The following ZMIZ1 variants were observed in gnomAD, a reference collection of about 807,000 sequenced individuals.
ZMIZ1 encodes the protein zinc finger MIZ domain-containing protein 1.
ZMIZ1 carries 17 observed loss-of-function variants against 113.9 expected under a neutral mutation model. That is an observed-to-expected ratio of 0.15 (90% CI 0.10 to 0.22). ZMIZ1 has a LOEUF of 0.22. ZMIZ1 is among the 10% of genes least tolerant of loss of function. The probability of loss-of-function intolerance (pLI) is 1.00; values close to 1 mark genes in which losing one functional copy is unlikely to be tolerated. For missense variants in ZMIZ1, 1,059 were observed against 1,477.8 expected (o/e 0.72, Z 4.65); for synonymous variants, 607 against 603.1 (o/e 1.01, Z -0.09).
chr10:79,090,198 G>A (rs1163647633), intron 1 of ZMIZ1, among the ~76,000 whole-genome samples: 1 of 152,228 alleles, frequency 6.6e-6, no homozygotes, highest in Non-Finnish European at 1.5e-5. Context: ...ACAATCCCTG[G>A]AGAGGGAGGG....
intron 4 of ZMIZ1, among the ~76,000 whole-genome samples, chr10:79,187,285 T>C (rs1010403405): frequency 3.3e-5 from 5 of 152,156 alleles, no homozygotes; most frequent in African/African-American, 1.2e-4. Context: ...AAATTCCCTC[T>C]CCCATGCCTG....
intron 1 of ZMIZ1, among the ~76,000 whole-genome samples, chr10:79,086,789 T>C (rs1448422742): frequency 2.6e-5 from 4 of 152,186 alleles, no homozygotes; most frequent in Admixed American, 2.6e-4. Flanking sequence ...GATAATCTTT[T>C]TGGAAGCTCT....
rs537915261 is a variant in ZMIZ1, at chr10:79,202,536, G to A, written c.60+844G>A. On this transcript the variant is annotated intron_variant, in intron 5 of 24. Transcript: ENST00000334512. Reference sequence around the variant, plus strand: ...AAACAAGTACAGAGAGGGGAAGTGGGTAGCCTGAGTCCACTCAGCCCCTCT... The same window carrying A: ...AAACAAGTACAGAGAGGGGAAGTGGATAGCCTGAGTCCACTCAGCCCCTCT... Among the ~76,000 whole-genome samples the A allele has an allele frequency of 6.9e-3, 891 of 128,696 alleles. 3 individuals are homozygous for A. Among genetic ancestry groups the A allele is most frequent in the Middle Eastern group, 0.016 (4 of 258 alleles). 84.4% of individuals were successfully genotyped at this position (128,696 alleles called of 152,430 possible). A position where few individuals can be genotyped will look rare whatever the true frequency, so the allele number is the denominator to read the frequency against.
At position 79,112,964 on chromosome 10, in the gene ZMIZ1, G is replaced by GGCTCCCA. The variant is rs1248391459; in HGVS notation, c.-336-5945_-336-5939dup. Among the ~76,000 whole-genome samples the GGCTCCCA allele has an allele frequency of 7.9e-5, 12 of 152,322 alleles. No homozygotes were observed. The East Asian group carries it at 1.9e-3, about 25-fold the overall frequency. On this transcript the variant is annotated intron_variant, in intron 1 of 24. Transcript: ENST00000334512. ...TTGGCAGGGCCTCCTCCTGGCTCCT[G>GGCTCCCA]GCTCCCAGCTCCTGAGATCGTGAGC...
At chr10:79,280,647 C>G (rs978275326) in intron 8 of ZMIZ1, among the ~76,000 whole-genome samples, 2 of 140,872 alleles carry the variant, frequency 1.4e-5, no homozygotes, top group Admixed American at 1.4e-4. Flanking sequence ...CCACTCTGTT[C>G]TTTTTTTTTT....
chr10:79,159,173 A>C (rs1284769871), intron 3 of ZMIZ1, among the ~76,000 whole-genome samples: 1 of 152,020 alleles, frequency 6.6e-6, no homozygotes, highest in Non-Finnish European at 1.5e-5. Flanking sequence ...AGGCCTTTCC[A>C]CAAAAGAGCG....
At chr10:79,128,045 A>T (rs113816505) in intron 2 of ZMIZ1, among the ~76,000 whole-genome samples, 4 of 152,318 alleles carry the variant, frequency 2.6e-5, no homozygotes, top group African/African-American at 9.6e-5. Flanking sequence ...GGATTGGGAC[A>T]GGAGGCATTG....
chr10:79,158,670 G>A (rs1589354377), intron 3 of ZMIZ1, among the ~76,000 whole-genome samples: 2 of 152,156 alleles, frequency 1.3e-5, no homozygotes, highest in South Asian at 2.1e-4. Flanking sequence ...ACTCAGCCCC[G>A]GGTCAACATG....
At chr10:79,088,090 T>C (rs1842869915) in intron 1 of ZMIZ1, among the ~76,000 whole-genome samples, 1 of 152,230 alleles carries the variant, frequency 6.6e-6, no homozygotes, top group Non-Finnish European at 1.5e-5. Context: ...ACCATGTGCA[T>C]GGTCTGACCC....
intron 7 of ZMIZ1, among the ~76,000 whole-genome samples, chr10:79,253,855 T>C (rs1414883990): frequency 6.6e-6 from 1 of 151,940 alleles, no homozygotes; most frequent in Non-Finnish European, 1.5e-5. Flanking sequence ...CCTGCACACA[T>C]GGCCCCACAC....
chr10:79,241,950 G>C (rs911842447), intron 7 of ZMIZ1, among the ~76,000 whole-genome samples: 1 of 152,184 alleles, frequency 6.6e-6, no homozygotes, highest in African/African-American at 2.4e-5. Flanking sequence ...CTTTGGGGAT[G>C]AATGATGGGG....
intron 4 of ZMIZ1, among the ~76,000 whole-genome samples, chr10:79,175,583 CGTGTGTGTGTGT>C (rs757004699): frequency 0.015 from 1,840 of 125,364 alleles, 43 homozygotes; most frequent in African/African-American, 0.053. Flanking sequence ...GTGCACTCTG[CGTGTGTGTGTGT>C]GTGTGTGTGT....
At position 79,118,030 on chromosome 10, in the gene ZMIZ1, G is replaced by A. The variant is rs1236470690; in HGVS notation, c.-336-885G>A. 1.3e-5 allele frequency among the ~76,000 whole-genome samples: 2 copies of A among 152,212 alleles called. No individual in the cohort carries two copies. The highest frequency in any genetic ancestry group is 4.8e-5 in the African/African-American group (2 of 41,450). The stretch of plus-strand genomic sequence containing the variant: ...GGGGTCTGCAGATGCAGGAACTGGG[G>A]GGAGACAGCCACACAGCCTCCATCC... On this transcript the variant is annotated intron_variant, in intron 1 of 24. Coordinates refer to ENST00000334512, the MANE Select transcript of ZMIZ1 (RefSeq NM_020338.4). The surrounding 1 kb of genome is among the most constrained non-coding windows in gnomAD (Gnocchi z 4.1).
chr10:79,085,443 G>A (rs567961203), intron 1 of ZMIZ1, among the ~76,000 whole-genome samples: 4 of 152,320 alleles, frequency 2.6e-5, no homozygotes, highest in Admixed American at 1.3e-4. Flanking sequence ...GCCTCAGCCC[G>A]CATAACGCCC....
intron 17 of ZMIZ1, among the ~76,000 whole-genome samples, chr10:79,301,366 G>A (rs1277464035): frequency 2.6e-5 from 4 of 152,102 alleles, no homozygotes; most frequent in Non-Finnish European, 5.9e-5. Context: ...CAAACCTGGA[G>A]TTAACGCGTT....
At chr10:79,097,471 C>G (rs1843209282) in intron 1 of ZMIZ1, among the ~76,000 whole-genome samples, 1 of 152,206 alleles carries the variant, frequency 6.6e-6, no homozygotes, top group Non-Finnish European at 1.5e-5. Context: ...GCCCTGCAAC[C>G]TTTGTTTATT....
chr10:79,204,102 C>T (rs1848214499), intron 5 of ZMIZ1, among the ~76,000 whole-genome samples: 1 of 152,212 alleles, frequency 6.6e-6, no homozygotes, highest in South Asian at 2.1e-4. Flanking sequence ...ACTGTTGATT[C>T]TCAGGCATCC....
intron 7 of ZMIZ1, among the ~76,000 whole-genome samples, chr10:79,246,452 G>A (rs1279339110): frequency 2.0e-5 from 3 of 152,224 alleles, no homozygotes; most frequent in Non-Finnish European, 2.9e-5. Flanking sequence ...TACCTTGAGC[G>A]ATGCGGCATG....
chr10:79,120,875 G>A (rs1489473153), intron 2 of ZMIZ1, among the ~76,000 whole-genome samples: 1 of 152,204 alleles, frequency 6.6e-6, no homozygotes, highest in African/African-American at 2.4e-5. Flanking sequence ...GGTGGGGTCT[G>A]TGTCATCCCT....
Sources: gnomAD v4.1 joint callset for allele counts (sites outside exome capture counted in the v4.1 genomes callset) on GRCh38, gnomAD v4.1.1 for gene constraint, Gnocchi (gnomAD v3.1) non-coding constraint, MANE v1.5 for transcripts, NCBI Gene and HGNC (gene_info 2026-07-23, HGNC 2026-07-21) for gene names.